NFX1: variants seen among roughly 807,000 people sequenced by gnomAD.
NFX1 encodes nuclear transcription factor, X-box binding 1.
In NFX1, 69 loss-of-function variants were observed where a neutral mutation model predicts 137.2. That is an observed-to-expected ratio of 0.50 (90% CI 0.41 to 0.61). The LOEUF (loss-of-function observed/expected upper bound fraction) is 0.61. NFX1 is among the 20% of genes least tolerant of loss of function. The pLI, the probability that NFX1 is intolerant of heterozygous loss-of-function variation, is 0.00. For missense variants in NFX1, 1,167 were observed against 1,391.0 expected, an observed-to-expected ratio of 0.84 and a Z score of 2.56; for synonymous variants, 495 against 474.1, an observed-to-expected ratio of 1.04 and a Z score of -0.57.
intron 4 of NFX1, among the ~76,000 whole-genome samples, chr9:33,306,572 A>G (rs2118268843): frequency 6.6e-6 from 1 of 152,360 alleles, no homozygotes; most frequent in South Asian, 2.1e-4. Flanking sequence ...TTTAGTGTGC[A>G]AATTGCCCAA....
In NFX1 at chr9:33,355,012, A is replaced by G. The variant is rs558630289; in HGVS notation, c.2873+120A>G. ...CTGCGCTGCGTCTTTTACCGTTATC[A>G]AAGAGCAAGAGAAATGCCGTTACCA... On this transcript the variant is annotated intron_variant, in intron 19 of 23. Transcript: ENST00000379540. 1.1e-5 allele frequency: 10 copies of G among 909,046 alleles called. No individual in the cohort carries two copies. The South Asian group carries it at 1.2e-4, about 11-fold the overall frequency. The allele number at this position is 909,046 out of a possible 1,614,324, so 56.3% of individuals were successfully genotyped here.
intron 2 of NFX1, among the ~76,000 whole-genome samples, chr9:33,298,898 G>C (rs542456303): frequency 2.0e-4 from 30 of 152,218 alleles, no homozygotes; most frequent in African/African-American, 4.3e-4. Flanking sequence ...ACTTAGACTG[G>C]AGTAATAGTG....
intron 11 of NFX1, among the ~76,000 whole-genome samples, chr9:33,335,444 G>A (rs1822969004): frequency 6.6e-6 from 1 of 151,968 alleles, no homozygotes; most frequent in Non-Finnish European, 1.5e-5. Context: ...TGTTGCCCAG[G>A]CTGGTCTCGA....
chr9:33,357,031 C>G (rs1823834377), intron 19 of NFX1, among the ~76,000 whole-genome samples: 1 of 151,182 alleles, frequency 6.6e-6, no homozygotes, highest in South Asian at 2.1e-4. Context: ...TGGTGGCTCA[C>G]CATGGCCGTA....
chr9:33,324,894 A>C (rs1487935480), intron 9 of NFX1, among the ~76,000 whole-genome samples: 1 of 150,760 alleles, frequency 6.6e-6, no homozygotes, highest in Non-Finnish European at 1.5e-5. Flanking sequence ...GTGCCACTGC[A>C]CTCCAGCCTG....
chr9:33,327,804 G>C (rs751520416), intron 9 of NFX1, among the ~76,000 whole-genome samples: 1 of 152,180 alleles, frequency 6.6e-6, no homozygotes, highest in Non-Finnish European at 1.5e-5. Context: ...CCTAAACCTA[G>C]TTTAGCAGCA....
intron 9 of NFX1, among the ~76,000 whole-genome samples, chr9:33,323,494 C>T (rs1377335244): frequency 6.6e-6 from 1 of 152,122 alleles, no homozygotes; most frequent in Non-Finnish European, 1.5e-5. Flanking sequence ...GTGGCTCACG[C>T]CTGTAATCCC....
intron 9 of NFX1, among the ~76,000 whole-genome samples, chr9:33,323,650 G>T (rs540032258): frequency 6.6e-6 from 1 of 151,972 alleles, no homozygotes; most frequent in African/African-American, 2.4e-5. Context: ...CTGCTCCGGC[G>T]GCTGAGGCAG....
chr9:33,311,093 C>G lies in NFX1; in HGVS notation c.1377-13C>G. ...ATGGCTGTGGTTTATTCAGTGAAAC[C>G]TTTCTCTTTCAGTCTCTGCCATCCA... On this transcript the variant is annotated splice_polypyrimidine_tract_variant and intron_variant, in intron 5 of 23. Coordinates refer to ENST00000379540, the MANE Select transcript of NFX1 (RefSeq NM_002504.6). The G allele has an allele frequency of 6.2e-7, 1 of 1,613,930 alleles. No individual in the cohort carries two copies. The highest frequency in any genetic ancestry group is 1.1e-5 in the South Asian group (1 of 91,066).
chr9:33,316,750 C>A (rs1281336718), intron 7 of NFX1, among the ~76,000 whole-genome samples: 1 of 152,104 alleles, frequency 6.6e-6, no homozygotes, highest in Non-Finnish European at 1.5e-5. Flanking sequence ...TCCTTTGGTT[C>A]CTTAATATTA....
At chr9:33,314,976 T>G (rs539303858) in intron 7 of NFX1, among the ~76,000 whole-genome samples, 12 of 152,274 alleles carry the variant, frequency 7.9e-5, no homozygotes, top group Middle Eastern at 3.4e-3. Context: ...TAGAAAAAAA[T>G]TTTTTAATTG....
At chr9:33,363,016 T>C (rs1026172072) in intron 19 of NFX1, among the ~76,000 whole-genome samples, 1 of 151,596 alleles carries the variant, frequency 6.6e-6, no homozygotes, top group Non-Finnish European at 1.5e-5. Flanking sequence ...AGTTCTCGTG[T>C]TCTATGGCAC....
intron 19 of NFX1, among the ~76,000 whole-genome samples, chr9:33,360,215 G>C (rs1360998213): frequency 6.6e-6 from 1 of 152,188 alleles, no homozygotes; most frequent in African/African-American, 2.4e-5. Context: ...ATACTAGTTA[G>C]AGCCAGAGCT....
At chr9:33,356,990 T>TG (rs1564146269) in intron 19 of NFX1, among the ~76,000 whole-genome samples, 6 of 113,552 alleles carry the variant, frequency 5.3e-5, no homozygotes, top group Admixed American at 9.7e-5. Flanking sequence ...AAATGCTGTC[T>TG]CAAAAAAAAA....
chr9:33,342,296 C>T (rs1823256540), intron 12 of NFX1, among the ~76,000 whole-genome samples: 1 of 151,892 alleles, frequency 6.6e-6, no homozygotes, highest in African/African-American at 2.4e-5. Context: ...CTCGTCTCTA[C>T]TAAAAATACA....
rs751400317 is a variant in NFX1, at chr9:33,366,693, A to G, written c.3104A>G (p.His1035Arg). Residue 1035 changes from histidine (H) to arginine (R), a missense_variant, in exon 22 of 24, where the codon CAT becomes CGT. This residue lies in a region of NFX1 where 312 missense variants were observed against 312.8 expected (regional missense o/e 1.00). Transcript: ENST00000379540. The stretch of plus-strand genomic sequence containing the variant: ...AACAGAGACCACCGCCGGATCATCC[A>G]TGACTTGGCCCAAGTTTATGGCCTG... ...PMNRDHRRII[H>R]DLAQVYGLES... 4 of 1,614,238 alleles carry G rather than the reference A, an allele frequency of 2.5e-6. No individual in the cohort carries two copies. Among genetic ancestry groups the G allele is most frequent in the Non-Finnish European group, 3.4e-6 (4 of 1,180,038 alleles).
chr9:33,362,388 T>C (rs987142695), intron 19 of NFX1, among the ~76,000 whole-genome samples: 15 of 151,850 alleles, frequency 9.9e-5, no homozygotes, highest in African/African-American at 3.4e-4. Context: ...GCTGCATGGA[T>C]AAAGAAAATG....
intron 2 of NFX1, among the ~76,000 whole-genome samples, chr9:33,297,449 T>A (rs897566452): frequency 2.0e-5 from 3 of 152,240 alleles, no homozygotes; most frequent in Non-Finnish European, 4.4e-5. Context: ...TACCTCTTGC[T>A]TTATAGTGAA....
In NFX1 at chr9:33,313,674, AG is replaced by A; in HGVS notation, c.1471del (p.Ala491LeufsTer14). ...GRTRHTVRCGQAVSVHCSNPC... is the reference protein window; with the variant it reads ...GRTRHTVRCGXAVSVHCSNPC... The stretch of plus-strand genomic sequence containing the variant: ...TACAGGCACACAGTTCGCTGTGGTC[AG>A]GCTGTCTCAGTCCACTGTTCTAACC... On this transcript the variant is annotated frameshift_variant, in exon 7 of 24. Transcript: ENST00000379540. LOFTEE classifies it high-confidence loss of function. 1 of 1,614,190 alleles carries A rather than the reference AG, an allele frequency of 6.2e-7. No homozygotes were observed. Among genetic ancestry groups the A allele is most frequent in the Non-Finnish European group, 8.5e-7 (1 of 1,180,008 alleles).
Sources: gnomAD v4.1 joint callset for allele counts (sites outside exome capture counted in the v4.1 genomes callset) on GRCh38, gnomAD v4.1.1 for gene constraint, gnomAD v4.1.1 regional missense constraint, MANE v1.5 for transcripts, NCBI Gene and HGNC (gene_info 2026-07-23, HGNC 2026-07-21) for gene names.